SPDYE1: variants seen among roughly 807,000 people sequenced by gnomAD.
SPDYE1 encodes the protein speedy protein E1.
In SPDYE1, 29 loss-of-function variants were observed where a neutral mutation model predicts 45.9. That is an observed-to-expected ratio of 0.63 (90% CI 0.47 to 0.86). The LOEUF is 0.86. SPDYE1 is among the 40% of genes least tolerant of loss of function. The pLI is 0.00. For missense variants in SPDYE1, 346 were observed against 481.4 expected, an observed-to-expected ratio of 0.72 and a Z score of 2.63; for synonymous variants, 134 against 176.8, an observed-to-expected ratio of 0.76 and a Z score of 1.92.
chr7:44,008,076 A>C (rs1339217187), intron 8 of SPDYE1, among the ~76,000 whole-genome samples: 1 of 152,228 alleles, frequency 6.6e-6, no homozygotes, highest in Non-Finnish European at 1.5e-5. Flanking sequence ...TCTGGGCGAC[A>C]GAGTGAGACC....
At position 44,009,027 on chromosome 7, in the gene SPDYE1, G is replaced by A; in HGVS notation, c.*406G>A. On this transcript the variant is annotated 3_prime_UTR_variant, in exon 9 of 9. Transcript: ENST00000693451. The stretch of plus-strand genomic sequence containing the variant: ...TGCCACAGTCCAGGAGCATTTGAAG[G>A]CACAATGCAGGGGCTCAGATTGGCA... The A allele has an allele frequency of 5.6e-6, 2 of 355,798 alleles. No individual in the cohort carries two copies. The highest frequency in any genetic ancestry group is 4.3e-5 in the South Asian group (2 of 46,530). The allele number at this position is 355,798 out of a possible 1,614,324, so 22.0% of individuals were successfully genotyped here. A position where few individuals can be genotyped will look rare whatever the true frequency, so the allele number is the denominator to read the frequency against.
At chr7:44,006,938 C>T (rs1027722929) in intron 6 of SPDYE1, among the ~76,000 whole-genome samples, 3 of 152,136 alleles carry the variant, frequency 2.0e-5, no homozygotes, top group Non-Finnish European at 4.4e-5. Context: ...TTAATAGAGA[C>T]GAGGGTCTTG....
chr7:44,002,567 C>T (rs1333328037), intron 3 of SPDYE1, 23 bp from the exon 4 acceptor site: 11 of 1,565,464 alleles, frequency 7.0e-6, no homozygotes, highest in Non-Finnish European at 8.6e-6. Context: ...AGCATTACAC[C>T]GTGGCCTGGT....
chr7:44,009,876 T>C lies in SPDYE1; in HGVS notation c.*1255T>C, dbSNP rs1241455252. ...TTTTATCTATGATACTTAGTTAACA[T>C]ATATATTACATTTATAGCTATGTAG... On this transcript the variant is annotated 3_prime_UTR_variant, in exon 9 of 9. Transcript: ENST00000693451. 1 of 152,028 alleles carries C rather than the reference T, an allele frequency of 6.6e-6. No individual in the cohort carries two copies. The highest frequency in any genetic ancestry group is 1.5e-5 in the Non-Finnish European group (1 of 67,986). 9.4% of individuals were successfully genotyped at this position (152,028 alleles called of 1,614,324 possible).
In SPDYE1 at chr7:44,007,445, G is replaced by C. The variant is rs780810121; in HGVS notation, c.930G>C (p.Lys310Asn). The change falls in exon 7 of 9, where the codon AAG becomes AAC. Residue 310 changes from lysine (K) to asparagine (N), a missense_variant. Physicochemically the swap from Lys to Asn is moderately conservative, Grantham distance 94. This residue lies in a region of SPDYE1 where 186 missense variants were observed against 219.1 expected (regional missense o/e 0.85). Transcript: ENST00000693451. ...KNRSHIPLVR[K>N]RRFQLRRCMN... ...GCTCTCACATACCCTTGGTCCGTAA[G>C]CGTCGGTTCCAGTTACGCCGTTGCA... The C allele has an allele frequency of 6.4e-7, 1 of 1,573,194 alleles. No homozygotes were observed. The highest frequency in any genetic ancestry group is 8.7e-7 in the Non-Finnish European group (1 of 1,154,578).
At chr7:44,006,759 G>A (rs2096071804) in intron 6 of SPDYE1, among the ~76,000 whole-genome samples, 1 of 152,190 alleles carries the variant, frequency 6.6e-6, no homozygotes, top group Non-Finnish European at 1.5e-5. Flanking sequence ...GGCCTAACAG[G>A]TGTGCCATCG....
chr7:44,008,814 C>T lies in SPDYE1; in HGVS notation c.*193C>T, dbSNP rs544879979. The T allele has an allele frequency of 1.2e-4, 73 of 634,724 alleles. No individual in the cohort carries two copies. Among genetic ancestry groups the T allele is most frequent in the South Asian group, 8.6e-4 (62 of 72,504 alleles). The allele number at this position is 634,724 out of a possible 1,614,324, so 39.3% of individuals were successfully genotyped here. On this transcript the variant is annotated 3_prime_UTR_variant, in exon 9 of 9. Transcript: ENST00000693451. ...TTGATGGAGCTGAATACAGTGATCA[C>T]GTTGTCCTCCTAGGAGCAGGGGTGG... is the stretch of plus-strand genomic sequence containing the variant.
At chr7:44,001,919 G>A (rs2096063623) in intron 3 of SPDYE1, among the ~76,000 whole-genome samples, 1 of 150,942 alleles carries the variant, frequency 6.6e-6, no homozygotes, top group African/African-American at 2.4e-5. Flanking sequence ...CATTCTGGGT[G>A]AGAGAGTGAG....
At chr7:43,999,448 A>T (rs1309103351) in intron 1 of SPDYE1, among the ~76,000 whole-genome samples, 80 bp from the exon 2 acceptor site, 5 of 150,886 alleles carry the variant, frequency 3.3e-5, no homozygotes, top group African/African-American at 1.2e-4. Context: ...ACTCTTGTAC[A>T]TGATAATCTC....
intron 7 of SPDYE1, 25 bp downstream of exon 7, chr7:44,007,611 G>C: frequency 1.2e-6 from 2 of 1,612,480 alleles, no homozygotes; most frequent in Non-Finnish European, 1.7e-6. Flanking sequence ...GGGAGGTGGA[G>C]GAGGTGGGGA....
At chr7:44,003,604 C>T (rs1485180570) in intron 4 of SPDYE1, among the ~76,000 whole-genome samples, 43 of 144,580 alleles carry the variant, frequency 3.0e-4, no homozygotes, top group African/African-American at 9.6e-4. Flanking sequence ...GGGGTCCTGG[C>T]TGATTCCCAG....
In SPDYE1 at chr7:44,009,801, CT is replaced by C. The variant is rs1654754128; in HGVS notation, c.*1183del. 6.6e-6 allele frequency: 1 copy of C among 151,142 alleles called. No individual in the cohort carries two copies. The highest frequency in any genetic ancestry group is 2.1e-4 in the South Asian group (1 of 4,806). 9.4% of individuals were successfully genotyped at this position (151,142 alleles called of 1,614,324 possible). A position where few individuals can be genotyped will look rare whatever the true frequency, so the allele number is the denominator to read the frequency against. On this transcript the variant is annotated 3_prime_UTR_variant, in exon 9 of 9. Transcript: ENST00000693451. Reference sequence around the variant, plus strand: ...ATTCTTTTCATCCTAAATCTTTTACCTTTCAATCTTTGTATCTATTATTACA... The same window carrying C: ...ATTCTTTTCATCCTAAATCTTTTACCTTCAATCTTTGTATCTATTATTACA...
In SPDYE1 at chr7:44,007,513, TC is replaced by T. The variant is rs2096073287; in HGVS notation, c.1000del (p.Gln334ArgfsTer11). 6.2e-7 allele frequency: 1 copy of T among 1,613,770 alleles called. No individual in the cohort carries two copies. The highest frequency in any genetic ancestry group is 8.5e-7 in the Non-Finnish European group (1 of 1,180,036). On this transcript the variant is annotated frameshift_variant, in exon 7 of 9. Coordinates refer to ENST00000693451, the MANE Select transcript of SPDYE1 (RefSeq NM_001378423.2). LOFTEE classifies it high-confidence loss of function. The stretch of plus-strand genomic sequence containing the variant: ...AAGAACCGCTCTCAGATAGTCCTGT[TC>T]CAGAAACGTCGGTTCCACTTCTTCT... ...ARKNRSQIVL[F>X]QKRRFHFFCS...
At chr7:44,000,381 A>G (rs2096061147) in intron 2 of SPDYE1, among the ~76,000 whole-genome samples, 1 of 150,672 alleles carries the variant, frequency 6.6e-6, no homozygotes, top group Admixed American at 6.6e-5. Context: ...ACTGGGAGGA[A>G]GAGGTTGCAG....
rs763010615 is a variant in SPDYE1 at position 44,007,537 on chromosome 7, T to C, written c.1022T>C (p.Phe341Ser). The C allele has an allele frequency of 1.7e-5, 27 of 1,613,548 alleles. 1 individual carries two copies. In the Admixed American group the frequency reaches 4.5e-4, roughly 27 times the overall value. Reference protein sequence around the residue: ...VLFQKRRFHFFCSMSCRAWVS... With the variant: ...VLFQKRRFHFSCSMSCRAWVS... ...TTCCAGAAACGTCGGTTCCACTTCT[T>C]CTGTTCCATGAGCTGCAGGGCTTGG... The change falls in exon 7 of 9, where the codon TTC (phenylalanine) becomes TCC (serine). Residue 341 changes from phenylalanine (F) to serine (S), a missense_variant. Phe to Ser is a radical substitution (Grantham distance 155, BLOSUM62 -2). Coordinates refer to ENST00000693451, the MANE Select transcript of SPDYE1 (RefSeq NM_001378423.2).
intron 5 of SPDYE1, 182 bp downstream of exon 5, chr7:44,004,093 T>C: frequency 2.8e-6 from 3 of 1,080,944 alleles, no homozygotes; most frequent in Non-Finnish European, 3.9e-6. Context: ...TGGAGGGCAG[T>C]GTCTCGATCT....
At chr7:44,000,445 AAAG>A in intron 2 of SPDYE1, among the ~76,000 whole-genome samples, 1 of 150,612 alleles carries the variant, frequency 6.6e-6, no homozygotes, top group African/African-American at 2.4e-5. Context: ...AAAGAAAAGA[AAAG>A]AAGGGTCAGC....
intron 6 of SPDYE1, 32 bp from the exon 7 acceptor site, chr7:44,007,236 C>A: frequency 2.5e-6 from 4 of 1,612,172 alleles, no homozygotes; most frequent in Non-Finnish European, 3.4e-6. Context: ...CCTGGTGGTG[C>A]CCCTGAGCAG....
chr7:44,001,477 T>C (rs1450594849), intron 3 of SPDYE1, among the ~76,000 whole-genome samples, 193 bp downstream of exon 3: 1 of 152,096 alleles, frequency 6.6e-6, no homozygotes, highest in Non-Finnish European at 1.5e-5. Flanking sequence ...TGATAAAGGT[T>C]GGCGCTTGGG....
Sources: gnomAD v4.1 joint callset for allele counts (sites outside exome capture counted in the v4.1 genomes callset) on GRCh38, gnomAD v4.1.1 for gene constraint, gnomAD v4.1.1 regional missense constraint, MANE v1.5 for transcripts, NCBI Gene and HGNC (gene_info 2026-07-23, HGNC 2026-07-21) for gene names.